DDX60L: variants seen among roughly 807,000 people sequenced by gnomAD.
The protein encoded by DDX60L is DExD/H-box 60 like.
In DDX60L, 191 loss-of-function variants were observed where a neutral mutation model predicts 211.6. The observed-to-expected ratio is 0.90, with a 90% CI of 0.80 to 1.02. The LOEUF (loss-of-function observed/expected upper bound fraction) is 1.02. DDX60L is among the 50% of genes least tolerant of loss of function. The pLI, the probability that DDX60L is intolerant of heterozygous loss-of-function variation, is 0.00. For missense variants in DDX60L, 2,007 were observed against 1,984.1 expected, an observed-to-expected ratio of 1.01 and a Z score of -0.22; for synonymous variants, 706 against 694.1, an observed-to-expected ratio of 1.02 and a Z score of -0.27.
At chr4:168,423,463 T>G in intron 15 of DDX60L, 145 bp downstream of exon 15, 1 of 558,844 alleles carries the variant, frequency 1.8e-6, no homozygotes, top group African/African-American at 2.0e-5. Context: ...AGTAATCTCA[T>G]ATCTATTATT....
intron 34 of DDX60L, among the ~76,000 whole-genome samples, chr4:168,374,022 T>C (rs1741498342): frequency 6.6e-6 from 1 of 152,138 alleles, no homozygotes; most frequent in Non-Finnish European, 1.5e-5. Context: ...TACTCTTTTT[T>C]ATTACCTGTT....
chr4:168,415,326 G>T (rs1431567582), intron 22 of DDX60L, 82 bp downstream of exon 22: 3 of 662,984 alleles, frequency 4.5e-6, no homozygotes, highest in Non-Finnish European at 7.5e-6. Context: ...ACATGCTGCA[G>T]TTCTATGAAG....
intron 25 of DDX60L, among the ~76,000 whole-genome samples, chr4:168,403,780 G>T (rs1215696813): frequency 6.6e-6 from 1 of 151,990 alleles, no homozygotes; most frequent in African/African-American, 2.4e-5. Context: ...AGGGTAATAA[G>T]ATGAAAAATT....
chr4:168,401,621 A>G (rs1267563719), intron 25 of DDX60L, among the ~76,000 whole-genome samples: 2 of 152,232 alleles, frequency 1.3e-5, no homozygotes, highest in Non-Finnish European at 2.9e-5. Flanking sequence ...ATTTACCATG[A>G]TCATCTTGAC....
chr4:168,447,217 C>A (rs1161211247), intron 9 of DDX60L, among the ~76,000 whole-genome samples: 2 of 151,654 alleles, frequency 1.3e-5, no homozygotes, highest in Non-Finnish European at 2.9e-5. Context: ...AAAAAGTGGG[C>A]AAAGAATATG....
chr4:168,379,650 T>G (rs1339694293), intron 31 of DDX60L, 76 bp downstream of exon 31: 7 of 1,295,874 alleles, frequency 5.4e-6, no homozygotes, highest in Non-Finnish European at 7.5e-6. Flanking sequence ...ATTATAGAAA[T>G]TTCAGTTGGT....
chr4:168,373,885 C>G, intron 34 of DDX60L, 77 bp from the exon 35 acceptor site: 1 of 1,436,732 alleles, frequency 7.0e-7, no homozygotes, highest in Non-Finnish European at 9.6e-7. Flanking sequence ...CACTGTAGGT[C>G]AAGCCACAGT....
chr4:168,361,862 G>A (rs1425327500), intron 36 of DDX60L, among the ~76,000 whole-genome samples: 1 of 152,186 alleles, frequency 6.6e-6, no homozygotes. Flanking sequence ...CGTTGCCCCA[G>A]AGTAAGAGCC....
intron 12 of DDX60L, among the ~76,000 whole-genome samples, chr4:168,430,975 T>A (rs1199710015): frequency 4.6e-5 from 7 of 152,196 alleles, no homozygotes; most frequent in African/African-American, 1.2e-4. Context: ...GTACATTTTT[T>A]AAAATTGGTT....
rs1243364451 is a variant in DDX60L, at chr4:168,457,967, T to C, written c.648A>G (p.Gln216=). Reference sequence around the variant, plus strand: ...CTAAAACCCTTATTTCTTCCAAGTGTTGTATGAGGCTTTTATATGCACTCT... The same window carrying C: ...CTAAAACCCTTATTTCTTCCAAGTGCTGTATGAGGCTTTTATATGCACTCT... ...VIQSAYKSLI[Q]HLEEIRVLVL... is the part of the protein sequence containing the mutation. The change falls in exon 6 of 38, where the codon CAA becomes CAG. Residue 216 remains glutamine (Q), a synonymous_variant. Coordinates refer to ENST00000682922, the MANE Select transcript of DDX60L (RefSeq NM_001012967.3). 3.8e-6 allele frequency: 6 copies of C among 1,569,602 alleles called. No homozygotes were observed. In the East Asian group the frequency reaches 1.4e-4, roughly 36 times the overall value.
At chr4:168,425,191 C>T (rs1751255604) in intron 14 of DDX60L, among the ~76,000 whole-genome samples, 1 of 152,112 alleles carries the variant, frequency 6.6e-6, no homozygotes, top group Admixed American at 6.5e-5. Flanking sequence ...CTTTTTTAAG[C>T]CATTATTAAT....
At position 168,423,768 on chromosome 4, in the gene DDX60L, AT is replaced by A; in HGVS notation, c.1936del (p.Ile646PhefsTer5). The part of the protein sequence containing the change: ...WKKHCRGEGK[I>X]SKDLSIAVQM... ...AACAGCTATACTTAAATCTTTCGAA[AT>A]TTTGCCTTGTTAAAGAAACAATAAA... On this transcript the variant is annotated frameshift_variant, in exon 15 of 38. Transcript: ENST00000682922. LOFTEE classifies it high-confidence loss of function. The A allele has an allele frequency of 6.4e-7, 1 of 1,567,842 alleles. No individual in the cohort carries two copies. The highest frequency in any genetic ancestry group is 8.6e-7 in the Non-Finnish European group (1 of 1,165,104).
At chr4:168,466,047 C>A (rs189649888) in intron 4 of DDX60L, among the ~76,000 whole-genome samples, 1 of 151,870 alleles carries the variant, frequency 6.6e-6, no homozygotes, top group Non-Finnish European at 1.5e-5. Flanking sequence ...CCATTAGATG[C>A]AAATTTGTGA....
intron 30 of DDX60L, 82 bp from the exon 31 acceptor site, chr4:168,379,912 T>C: frequency 1.2e-6 from 1 of 864,142 alleles, no homozygotes; most frequent in Non-Finnish European, 1.8e-6. Context: ...TACACATACA[T>C]ACTATATAGA....
intron 29 of DDX60L, among the ~76,000 whole-genome samples, chr4:168,389,721 T>A (rs1744468407): frequency 6.6e-6 from 1 of 152,228 alleles, no homozygotes; most frequent in Non-Finnish European, 1.5e-5. Context: ...TTAAAACTTT[T>A]AAGTATAAAA....
At position 168,357,889 on chromosome 4, in the gene DDX60L, T is replaced by C. The variant is rs1738405256; in HGVS notation, c.*258A>G. 1 of 305,288 alleles carries C rather than the reference T, an allele frequency of 3.3e-6. No homozygotes were observed. The highest frequency in any genetic ancestry group is 2.2e-5 in the African/African-American group (1 of 45,162). The allele number at this position is 305,288 out of a possible 1,614,324, so 18.9% of individuals were successfully genotyped here. ...CACCACCCAATCCCAATCACTTTTCTTACATTATCTCATTTAATCCTCAAA... is the reference window on the plus strand; with the variant it reads ...CACCACCCAATCCCAATCACTTTTCCTACATTATCTCATTTAATCCTCAAA... On this transcript the variant is annotated 3_prime_UTR_variant, in exon 38 of 38. Coordinates refer to ENST00000682922, the MANE Select transcript of DDX60L (RefSeq NM_001012967.3).
At position 168,387,776 on chromosome 4, in the gene DDX60L, A is replaced by G. The variant is rs145533427; in HGVS notation, c.3916-2964T>C. 1.1e-3 allele frequency among the ~76,000 whole-genome samples: 170 copies of G among 152,266 alleles called. 1 individual carries two copies. Among genetic ancestry groups the G allele is most frequent in the South Asian group, 1.0e-3 (5 of 4,830 alleles). The stretch of plus-strand genomic sequence containing the variant: ...CATTAAAGATGACTCCGGAGTGAAA[A>G]AGTGGGCACGGCAAATGAAGAAGGA... On this transcript the variant is annotated intron_variant, in intron 29 of 37. Transcript: ENST00000682922.
At chr4:168,440,977 A>G (rs968574012) in intron 10 of DDX60L, among the ~76,000 whole-genome samples, 6 of 152,162 alleles carry the variant, frequency 3.9e-5, no homozygotes, top group African/African-American at 1.4e-4. Context: ...AATGAAGTTC[A>G]AAGCAGACAA....
rs994078373 is a variant in DDX60L at position 168,423,674 on chromosome 4, T to C, written c.2031A>G (p.Gln677=). The change falls in exon 15 of 38, where the codon CAA becomes CAG. Residue 677 remains glutamine (Q), a synonymous_variant. Coordinates refer to ENST00000682922, the MANE Select transcript of DDX60L (RefSeq NM_001012967.3). ...AATATTTAAGGCATTTAGCTATATA[T>C]TGATGATGTTCTGCTTCCAAAATTT... ...YPEILEAEHH[Q]YIAKCLKYLG... is the part of the protein sequence containing the mutation. The C allele has an allele frequency of 1.4e-5, 23 of 1,604,774 alleles. No individual in the cohort carries two copies. Among genetic ancestry groups the C allele is most frequent in the Admixed American group, 3.4e-5 (2 of 58,542 alleles).
Sources: gnomAD v4.1 joint callset for allele counts (sites outside exome capture counted in the v4.1 genomes callset) on GRCh38, gnomAD v4.1.1 for gene constraint, MANE v1.5 for transcripts, NCBI Gene and HGNC (gene_info 2026-07-23, HGNC 2026-07-21) for gene names.